LPP: variants seen among roughly 807,000 people sequenced by gnomAD.
LPP encodes the protein lipoma-preferred partner.
Under a neutral mutation model 60.4 loss-of-function variants are expected in LPP, and 38 were observed. The ratio of observed to expected loss-of-function variants is 0.63; its 90% CI spans 0.49 to 0.83. The LOEUF (loss-of-function observed/expected upper bound fraction) is 0.83. Among genes scored for constraint, LPP ranks in the 40% least tolerant of loss-of-function variants. The pLI, the probability that LPP is intolerant of heterozygous loss-of-function variation, is 0.00. For synonymous variants in LPP, 328 were observed against 290.8 expected (o/e 1.13, Z -1.30); for missense variants, 902 against 783.6 (o/e 1.15, Z -1.80).
chr3:188,264,707 C>T (rs1421580231), intron 2 of LPP, among the ~76,000 whole-genome samples: 3 of 152,078 alleles, frequency 2.0e-5, no homozygotes, highest in Non-Finnish European at 2.9e-5. Flanking sequence ...CAGGCCAAAT[C>T]GTTCTTTCGT....
At chr3:188,823,170 A>G (rs1754464904) in intron 9 of LPP, among the ~76,000 whole-genome samples, 1 of 152,164 alleles carries the variant, frequency 6.6e-6, no homozygotes, top group Non-Finnish European at 1.5e-5. Context: ...TCTAGAAGAG[A>G]TGGGTGAAAA....
intron 2 of LPP, chr3:188,239,720 G>C (rs576701366): frequency 4.6e-6 from 1 of 217,846 alleles, no homozygotes; most frequent in Non-Finnish European, 9.2e-6. Context: ...CCTTAGCCTG[G>C]AAATAAACAA....
At chr3:188,522,253 G>A (rs906924830) in intron 5 of LPP, among the ~76,000 whole-genome samples, 14 of 152,170 alleles carry the variant, frequency 9.2e-5, no homozygotes, top group African/African-American at 3.4e-4. Context: ...TGACAAGAGA[G>A]TTGAAGAAAA....
At chr3:188,313,975 T>C (rs1754303294) in intron 2 of LPP, among the ~76,000 whole-genome samples, 1 of 152,226 alleles carries the variant, frequency 6.6e-6, no homozygotes, top group Non-Finnish European at 1.5e-5. Context: ...GATTTTCTGC[T>C]CAGCCACTTT....
intron 1 of LPP, among the ~76,000 whole-genome samples, chr3:188,172,347 C>T (rs1490396026): frequency 6.6e-6 from 1 of 152,168 alleles, no homozygotes; most frequent in East Asian, 1.9e-4. Context: ...TATTTTTAGG[C>T]CTCTGTTGCC....
intron 9 of LPP, among the ~76,000 whole-genome samples, chr3:188,837,588 A>G (rs564698106): frequency 6.6e-6 from 1 of 152,060 alleles, no homozygotes; most frequent in Non-Finnish European, 1.5e-5. Flanking sequence ...TGTTCTGCCA[A>G]CCTTGCTTGT....
chr3:188,320,519 G>A (rs1756624144), intron 2 of LPP, among the ~76,000 whole-genome samples: 1 of 152,168 alleles, frequency 6.6e-6, no homozygotes, highest in African/African-American at 2.4e-5. Flanking sequence ...AGAACACTTG[G>A]GAAAGCAGGA....
intron 7 of LPP, among the ~76,000 whole-genome samples, chr3:188,638,115 A>G (rs1389984128): frequency 6.9e-6 from 1 of 144,214 alleles, no homozygotes; most frequent in Non-Finnish European, 1.5e-5. Context: ...AAAATCCTCA[A>G]TAAAATACTG....
Position 188,876,161 on chromosome 3 carries a change from C to T in LPP, c.*1682C>T, listed in dbSNP as rs183689891. ...TTTTTCTAGTTTTTAATTTTAACAT[C>T]AGAACTGAAATAAAAAATTATGGAT... On this transcript the variant is annotated 3_prime_UTR_variant, in exon 12 of 12. Transcript: ENST00000617246. The T allele has an allele frequency of 1.1e-3, 215 of 187,214 alleles. 5 individuals are homozygous for T. In the Admixed American group the frequency reaches 0.013, roughly 11 times the overall value. The allele number at this position is 187,214 out of a possible 1,614,324, so 11.6% of individuals were successfully genotyped here.
chr3:188,314,658 T>A (rs1163757446), intron 2 of LPP, among the ~76,000 whole-genome samples: 18 of 151,988 alleles, frequency 1.2e-4, no homozygotes, highest in Non-Finnish European at 8.8e-5. Context: ...TCGTCTCTAA[T>A]GAAAATACAA....
At position 188,681,227 on chromosome 3, in the gene LPP, C is replaced by T. The variant is rs185045631; in HGVS notation, c.1114-27040C>T. 7.5e-3 allele frequency among the ~76,000 whole-genome samples: 1,143 copies of T among 152,256 alleles called. 7 individuals are homozygous for T. The highest frequency in any genetic ancestry group is 0.011 in the Non-Finnish European group (748 of 68,026). The stretch of plus-strand genomic sequence containing the variant: ...GCCAGGATGGTCTCGATCTCTTGAC[C>T]TCGTGATCCACCCACCTTGGCCTCC... On this transcript the variant is annotated intron_variant, in intron 7 of 11. Transcript: ENST00000617246.
intron 9 of LPP, among the ~76,000 whole-genome samples, chr3:188,834,229 C>T (rs911729988): frequency 1.3e-5 from 2 of 150,566 alleles, no homozygotes; most frequent in African/African-American, 4.9e-5. Flanking sequence ...GTGGCGGGAA[C>T]ATATAGAAAT....
At chr3:188,401,176 TCAATTTTTAATA>T (rs1412867792) in intron 3 of LPP, among the ~76,000 whole-genome samples, 1 of 152,194 alleles carries the variant, frequency 6.6e-6, no homozygotes, top group Non-Finnish European at 1.5e-5. Flanking sequence ...CCTACATGAT[TCAATTTTTAATA>T]CCTGGAGTTT....
At chr3:188,360,762 G>A (rs898497414) in intron 3 of LPP, among the ~76,000 whole-genome samples, 8 of 152,124 alleles carry the variant, frequency 5.3e-5, no homozygotes, top group African/African-American at 1.9e-4. Context: ...TTGCATAAAT[G>A]AACAAAAATC....
intron 3 of LPP, among the ~76,000 whole-genome samples, chr3:188,381,597 C>T (rs1238997942): frequency 5.3e-5 from 8 of 152,142 alleles, no homozygotes; most frequent in African/African-American, 1.2e-4. Flanking sequence ...ACCCACTTTC[C>T]GATTCGGGGG....
intron 7 of LPP, among the ~76,000 whole-genome samples, chr3:188,634,687 G>A (rs1164813462): frequency 6.6e-6 from 1 of 152,194 alleles, no homozygotes; most frequent in African/African-American, 2.4e-5. Context: ...TGCTCCTTAT[G>A]AGAATCTAAT....
At chr3:188,240,657 T>G (rs2149454921) in intron 2 of LPP, among the ~76,000 whole-genome samples, 2 of 152,080 alleles carry the variant, frequency 1.3e-5, no homozygotes, top group Admixed American at 6.5e-5. Context: ...TAATCATAAC[T>G]ATCCAATCAT....
chr3:188,376,485 T>G (rs904196682), intron 3 of LPP, among the ~76,000 whole-genome samples: 1 of 152,212 alleles, frequency 6.6e-6, no homozygotes, highest in Admixed American at 6.5e-5. Context: ...CTTTTGATCG[T>G]TGTTGGTTTA....
intron 3 of LPP, among the ~76,000 whole-genome samples, chr3:188,395,471 A>G (rs1208960735): frequency 6.6e-6 from 1 of 152,200 alleles, no homozygotes; most frequent in South Asian, 2.1e-4. Context: ...CCAGGCCTCA[A>G]GCAATCCAGG....
Sources: allele counts gnomAD v4.1 joint callset (sites outside exome capture counted in the v4.1 genomes callset), GRCh38; gene constraint gnomAD v4.1.1; transcripts MANE v1.5; gene names NCBI Gene and HGNC (gene_info 2026-07-23, HGNC 2026-07-21).